WDR59: variants seen among roughly 807,000 people sequenced by gnomAD.
The protein encoded by WDR59 is WD repeat domain 59, also known as GATOR2 complex protein WDR59.
Under a neutral mutation model 131.2 loss-of-function variants are expected in WDR59, and 100 were observed. The ratio of observed to expected loss-of-function variants is 0.76; its 90% CI spans 0.65 to 0.90. WDR59 has a LOEUF of 0.90. WDR59 is among the 40% of genes least tolerant of loss of function. WDR59 has a pLI of 0.00. For synonymous variants in WDR59, 601 were observed against 466.2 expected (o/e 1.29, Z -3.72); for missense variants, 1,203 against 1,262.2 (o/e 0.95, Z 0.71).
At chr16:74,907,299 T>C (rs1213357097) in intron 17 of WDR59, among the ~76,000 whole-genome samples, 2 of 152,176 alleles carry the variant, frequency 1.3e-5, no homozygotes, top group African/African-American at 4.8e-5. Flanking sequence ...TCATCTTGAA[T>C]TGTAATCTCC....
intron 2 of WDR59, among the ~76,000 whole-genome samples, chr16:74,960,476 G>C (rs1005570060): frequency 6.6e-5 from 10 of 151,838 alleles, no homozygotes; most frequent in Non-Finnish European, 1.5e-5. Flanking sequence ...TCAGGTACGT[G>C]GTTCACATCT....
At chr16:74,953,460 G>C (rs140713655) in intron 3 of WDR59, among the ~76,000 whole-genome samples, 2 of 139,956 alleles carry the variant, frequency 1.4e-5, no homozygotes, top group Admixed American at 7.5e-5. Context: ...GCAACAGAAC[G>C]AGACTCCGTC....
At chr16:74,958,986 G>A (rs1317025742) in intron 2 of WDR59, among the ~76,000 whole-genome samples, 1 of 152,096 alleles carries the variant, frequency 6.6e-6, no homozygotes, top group Non-Finnish European at 1.5e-5. Flanking sequence ...TTGAACCTGG[G>A]AAGCAGGGGA....
intron 7 of WDR59, among the ~76,000 whole-genome samples, chr16:74,938,775 C>T (rs1395587870): frequency 6.6e-6 from 1 of 151,888 alleles, no homozygotes; most frequent in Non-Finnish European, 1.5e-5. Flanking sequence ...TGGGCTCAAG[C>T]GAACCCCCTG....
At position 74,888,264 on chromosome 16, in the gene WDR59, C is replaced by A. The variant is rs759506239; in HGVS notation, c.2251G>T (p.Val751Leu). 6.2e-7 allele frequency: 1 copy of A among 1,613,850 alleles called. No homozygotes were observed. The highest frequency in any genetic ancestry group is 8.5e-7 in the Non-Finnish European group (1 of 1,179,972). ...DVQTLAMLCSVFEAQSRPQGL... is the reference protein window; with the variant it reads ...DVQTLAMLCSLFEAQSRPQGL... ...TGAGGCCGAGACTGGGCTTCAAACA[C>A]GCTACAGAGCATCGCCAGTGTCTGA... The change falls in exon 22 of 26, where the codon GTG becomes TTG. Residue 751 changes from valine (V) to leucine (L), a missense_variant. Physicochemically the swap from Val to Leu is conservative, Grantham distance 32. Coordinates refer to ENST00000262144, the MANE Select transcript of WDR59 (RefSeq NM_030581.4).
chr16:74,959,445 G>C, intron 2 of WDR59: 1 of 421,544 alleles, frequency 2.4e-6, no homozygotes. Context: ...AAACCTGAAG[G>C]ATAGGGACTA....
At chr16:74,951,154 C>T (rs980259828) in intron 4 of WDR59, among the ~76,000 whole-genome samples, 13 of 112,584 alleles carry the variant, frequency 1.2e-4, no homozygotes, top group African/African-American at 4.6e-4. Context: ...AGTGAGACTT[C>T]GTCTCAAAAA....
rs770943087 is a variant in WDR59, at chr16:74,915,998, G to C, written c.1100-4C>G. The stretch of plus-strand genomic sequence containing the variant: ...CTAGGGGGATCTTCTTTTAGGGCTA[G>C]CAGGAGAGAGAAGTTCAATGTTGGA... On this transcript the variant is annotated splice_region_variant and splice_polypyrimidine_tract_variant and intron_variant, in intron 12 of 25. Transcript: ENST00000262144. The C allele has an allele frequency of 6.2e-7, 1 of 1,614,202 alleles. No homozygotes were observed. The highest frequency in any genetic ancestry group is 8.5e-7 in the Non-Finnish European group (1 of 1,180,034).
chr16:74,938,045 T>C, intron 8 of WDR59, 105 bp downstream of exon 8: 1 of 745,690 alleles, frequency 1.3e-6, no homozygotes, highest in East Asian at 3.0e-5. Context: ...CACCGTGAAA[T>C]ACATACTGTG....
chr16:74,883,132 C>A (rs536937819), intron 25 of WDR59, among the ~76,000 whole-genome samples: 4 of 150,574 alleles, frequency 2.7e-5, no homozygotes, highest in African/African-American at 9.8e-5. Context: ...TCAAGTGATC[C>A]TCCTGCCTCA....
intron 1 of WDR59, among the ~76,000 whole-genome samples, chr16:74,971,028 G>A (rs1009339204): frequency 4.0e-5 from 6 of 151,706 alleles, no homozygotes; most frequent in Non-Finnish European, 5.9e-5. Context: ...CTGGCTAAAC[G>A]ACAAAGCAAG....
intron 3 of WDR59, among the ~76,000 whole-genome samples, chr16:74,951,878 C>A (rs1290890160): frequency 6.6e-6 from 1 of 152,150 alleles, no homozygotes; most frequent in Non-Finnish European, 1.5e-5. Flanking sequence ...CTAGAGGAAC[C>A]TCCTCCCTCT....
At chr16:74,887,838 C>T in intron 22 of WDR59, 83 bp from the exon 23 acceptor site, 2 of 1,384,484 alleles carry the variant, frequency 1.4e-6, no homozygotes, top group Non-Finnish European at 2.0e-6. Context: ...AAACAGCAGG[C>T]CAAGCACGGT....
intron 18 of WDR59, among the ~76,000 whole-genome samples, chr16:74,898,017 A>G (rs1174733045): frequency 6.6e-6 from 1 of 152,138 alleles, no homozygotes; most frequent in African/African-American, 2.4e-5. Flanking sequence ...GAGTAGATGG[A>G]CATCTTTTCA....
chr16:74,980,040 T>C (rs1201306470), intron 1 of WDR59, among the ~76,000 whole-genome samples: 1 of 151,248 alleles, frequency 6.6e-6, no homozygotes, highest in Non-Finnish European at 1.5e-5. Context: ...TTAGTATTTT[T>C]AGTAGAAACG....
Position 74,959,993 on chromosome 16 carries a change from A to G in WDR59, c.105-3383T>C, listed in dbSNP as rs921661732. ...AATAGTTGAAATTTTTTGAAAATTA[A>G]AATAGTTGAAATTTTTTTTTTAAAT... On this transcript the variant is annotated intron_variant, in intron 2 of 25. Coordinates refer to ENST00000262144, the MANE Select transcript of WDR59 (RefSeq NM_030581.4). Among the ~76,000 whole-genome samples, 7 of 152,112 alleles carry G rather than the reference A, an allele frequency of 4.6e-5. No homozygotes were observed. In the South Asian group the frequency reaches 1.5e-3, roughly 32 times the overall value.
At chr16:74,966,480 A>G (rs548529909) in intron 1 of WDR59, among the ~76,000 whole-genome samples, 1 of 152,076 alleles carries the variant, frequency 6.6e-6, no homozygotes, top group Non-Finnish European at 1.5e-5. Context: ...ACTCCATCTC[A>G]AAAAATAAAT....
At chr16:74,972,296 G>A (rs1374273111) in intron 1 of WDR59, among the ~76,000 whole-genome samples, 2 of 152,094 alleles carry the variant, frequency 1.3e-5, no homozygotes, top group African/African-American at 2.4e-5. Flanking sequence ...GGCTAATGAA[G>A]GAAATCAATT....
intron 1 of WDR59, among the ~76,000 whole-genome samples, chr16:74,968,152 T>C (rs1406277211): frequency 6.6e-6 from 1 of 152,154 alleles, no homozygotes; most frequent in East Asian, 1.9e-4. Context: ...GCGGAGTTAC[T>C]GTTTAATGGG....
Sources: gnomAD v4.1 joint callset for allele counts (sites outside exome capture counted in the v4.1 genomes callset) on GRCh38, gnomAD v4.1.1 for gene constraint, MANE v1.5 for transcripts, NCBI Gene and HGNC (gene_info 2026-07-23, HGNC 2026-07-21) for gene names.